The following INPP4B variants were observed in gnomAD, a reference collection of about 807,000 sequenced individuals.
INPP4B encodes inositol polyphosphate-4-phosphatase type II B, also known as inositol polyphosphate 4-phosphatase type II.
In INPP4B, 55 loss-of-function variants were observed where a neutral mutation model predicts 122.5. The ratio of observed to expected loss-of-function variants is 0.45; its 90% CI spans 0.36 to 0.56. The LOEUF (loss-of-function observed/expected upper bound fraction) is 0.56. Among genes scored for constraint, INPP4B ranks in the 20% least tolerant of loss-of-function variants. The probability of loss-of-function intolerance (pLI) is 0.00; values close to 1 mark genes in which losing one functional copy is unlikely to be tolerated. For synonymous variants in INPP4B, 403 were observed against 388.7 expected (o/e 1.04, Z -0.43); for missense variants, 1,000 against 1,097.7 (o/e 0.91, Z 1.26).
At chr4:142,304,252 C>T (rs879808783) in intron 9 of INPP4B, among the ~76,000 whole-genome samples, 4 of 151,854 alleles carry the variant, frequency 2.6e-5, no homozygotes, top group Admixed American at 6.6e-5. Flanking sequence ...TTTAGCTGAC[C>T]GTTTACACCT....
At chr4:142,266,106 C>T (rs1742660417) in intron 10 of INPP4B, among the ~76,000 whole-genome samples, 1 of 152,128 alleles carries the variant, frequency 6.6e-6, no homozygotes, top group South Asian at 2.1e-4. Context: ...CCTATTTCTG[C>T]TCTGTGTCCC....
chr4:142,123,496 G>T, intron 19 of INPP4B, 81 bp from the exon 20 acceptor site: 5 of 1,384,114 alleles, frequency 3.6e-6, no homozygotes, highest in Non-Finnish European at 4.0e-6. Context: ...GACTTCTGAG[G>T]CATCACAGAT....
chr4:142,712,377 G>A (rs1471597130), intron 2 of INPP4B, among the ~76,000 whole-genome samples: 3 of 152,084 alleles, frequency 2.0e-5, no homozygotes, highest in East Asian at 3.9e-4. Context: ...CCTTAACTGC[G>A]CTCCTGCTGG....
chr4:142,723,523 C>T (rs1209180936), intron 2 of INPP4B, among the ~76,000 whole-genome samples: 2 of 152,052 alleles, frequency 1.3e-5, no homozygotes, highest in Non-Finnish European at 2.9e-5. Context: ...CCAATAACTT[C>T]ACATTAAAAC....
intron 2 of INPP4B, among the ~76,000 whole-genome samples, chr4:142,629,552 A>C (rs1747443652): frequency 6.6e-6 from 1 of 151,966 alleles, no homozygotes; most frequent in African/African-American, 2.4e-5. Flanking sequence ...GAACACACTG[A>C]GGTGTTTTGT....
intron 2 of INPP4B, among the ~76,000 whole-genome samples, chr4:142,549,921 A>C (rs1727566941): frequency 6.6e-6 from 1 of 152,176 alleles, no homozygotes; most frequent in East Asian, 1.9e-4. Context: ...TTTGGTTTCC[A>C]TGTGAATAAA....
intron 1 of INPP4B, among the ~76,000 whole-genome samples, chr4:142,781,874 A>G (rs1580900669): frequency 6.6e-6 from 1 of 152,090 alleles, no homozygotes. Flanking sequence ...TGCCCTTTAA[A>G]GAATTACTAC....
intron 3 of INPP4B, among the ~76,000 whole-genome samples, chr4:142,458,502 T>C (rs1419756244): frequency 6.6e-6 from 1 of 151,974 alleles, no homozygotes; most frequent in Non-Finnish European, 1.5e-5. Flanking sequence ...TTTATTTTAA[T>C]TATATTTATT....
intron 2 of INPP4B, among the ~76,000 whole-genome samples, chr4:142,682,743 A>C (rs1323936750): frequency 1.3e-5 from 2 of 151,924 alleles, no homozygotes; most frequent in Non-Finnish European, 2.9e-5. Flanking sequence ...GAGAAAGGCA[A>C]TGAATTGATA....
intron 25 of INPP4B, among the ~76,000 whole-genome samples, chr4:142,032,174 GGGACT>G (rs1740631113): frequency 6.6e-6 from 1 of 152,068 alleles, no homozygotes; most frequent in African/African-American, 2.4e-5. Context: ...CTGATATAAG[GGGACT>G]GGAAAGTTTA....
chr4:142,463,935 T>C (rs1817230494), intron 2 of INPP4B, among the ~76,000 whole-genome samples: 1 of 152,134 alleles, frequency 6.6e-6, no homozygotes, highest in Admixed American at 6.6e-5. Context: ...ATTAGCAGTA[T>C]GATAACAGAC....
At chr4:142,621,589 T>C (rs1191909405) in intron 2 of INPP4B, among the ~76,000 whole-genome samples, 1 of 151,948 alleles carries the variant, frequency 6.6e-6, no homozygotes, top group African/African-American at 2.4e-5. Flanking sequence ...GGGATTTAAA[T>C]TGCAACTTCA....
intron 2 of INPP4B, among the ~76,000 whole-genome samples, chr4:142,591,594 T>C (rs1483460794): frequency 6.6e-6 from 1 of 152,070 alleles, no homozygotes; most frequent in Non-Finnish European, 1.5e-5. Context: ...CTGTGTACAG[T>C]GATTTCCTTC....
intron 23 of INPP4B, among the ~76,000 whole-genome samples, chr4:142,106,780 G>A (rs997415621): frequency 6.6e-5 from 10 of 152,092 alleles, no homozygotes; most frequent in Admixed American, 1.3e-4. Context: ...TGTGGCCTGC[G>A]AATTTGCATT....
chr4:142,325,485 G>C (rs572796392), intron 7 of INPP4B, among the ~76,000 whole-genome samples: 1 of 152,206 alleles, frequency 6.6e-6, no homozygotes, highest in South Asian at 2.1e-4. Flanking sequence ...TTGTTGAGTG[G>C]GATATGCTAT....
chr4:142,757,141 C>A (rs1378413802), intron 1 of INPP4B, among the ~76,000 whole-genome samples: 1 of 152,030 alleles, frequency 6.6e-6, no homozygotes, highest in East Asian at 1.9e-4. Flanking sequence ...ATGTTCACAG[C>A]AGAATTGAGT....
At chr4:142,651,759 C>A (rs1412114777) in intron 2 of INPP4B, among the ~76,000 whole-genome samples, 2 of 152,118 alleles carry the variant, frequency 1.3e-5, no homozygotes, top group Non-Finnish European at 2.9e-5. Context: ...AAGTCCAGCA[C>A]CTGGTAGATT....
At chr4:142,281,299 A>G (rs752542972) in intron 9 of INPP4B, among the ~76,000 whole-genome samples, 1 of 151,708 alleles carries the variant, frequency 6.6e-6, no homozygotes, top group Non-Finnish European at 1.5e-5. Context: ...AGATACACTT[A>G]TAAGGCCAGG....
intron 14 of INPP4B, among the ~76,000 whole-genome samples, chr4:142,202,565 C>T (rs1005663939): frequency 6.6e-6 from 1 of 152,068 alleles, no homozygotes; most frequent in Non-Finnish European, 1.5e-5. Context: ...AGAAGCTCCT[C>T]TCTTCTGCTC....
Sources: allele counts gnomAD v4.1 joint callset (sites outside exome capture counted in the v4.1 genomes callset), GRCh38; gene constraint gnomAD v4.1.1; transcripts MANE v1.5; gene names NCBI Gene and HGNC (gene_info 2026-07-23, HGNC 2026-07-21).